Variants in PRKN observed in about 807,000 individuals in gnomAD.
PRKN encodes the protein E3 ubiquitin-protein ligase parkin.
Under a neutral mutation model 59.5 loss-of-function variants are expected in PRKN, and 56 were observed. The observed-to-expected ratio is 0.94, with a 90% CI of 0.76 to 1.18. The LOEUF is 1.18. Ranked by LOEUF, PRKN falls within the 50% of genes most tolerant of loss-of-function variation. PRKN has a pLI of 0.00. For missense variants in PRKN, 657 were observed against 596.4 expected (o/e 1.10, Z -1.06); for synonymous variants, 250 against 222.1 (o/e 1.13, Z -1.12).
At chr6:162,436,008 T>G (rs139264301) in intron 2 of PRKN, among the ~76,000 whole-genome samples, 12 of 151,776 alleles carry the variant, frequency 7.9e-5, no homozygotes, top group African/African-American at 1.4e-4. Flanking sequence ...AAAAGCAATC[T>G]CTACTAAAAA....
chr6:162,639,959 A>G (rs1777898639), intron 1 of PRKN, among the ~76,000 whole-genome samples: 1 of 152,090 alleles, frequency 6.6e-6, no homozygotes, highest in Admixed American at 6.5e-5. Flanking sequence ...TATAGTCCTC[A>G]TATTTTTTTA....
rs1554275154 is a variant in PRKN, at chr6:161,550,738, C to CTGTGTGTGTGTGTGTGT, written c.934-1736_934-1735insACACACACACACACACA. Among the ~76,000 whole-genome samples, 2 of 146,308 alleles carry CTGTGTGTGTGTGTGTGT rather than the reference C, an allele frequency of 1.4e-5. No individual in the cohort carries two copies. The highest frequency in any genetic ancestry group is 5.2e-5 in the African/African-American group (2 of 38,750). On this transcript the variant is annotated intron_variant, in intron 8 of 11. Coordinates refer to ENST00000366898, the MANE Select transcript of PRKN (RefSeq NM_004562.3). This position sits in a 1 kb window ranked among gnomAD's most constrained non-coding sequence, Gnocchi z 4.0. ...AAGAAAGGGTATGTGTGTGTGTGCACGTGTGTGTGTGTGTGTGTGTGTGTA... is the reference window on the plus strand; with the variant it reads ...AAGAAAGGGTATGTGTGTGTGTGCACTGTGTGTGTGTGTGTGTGTGTGTGTGTGTGTGTGTGTGTGTA...
At position 161,674,457 on chromosome 6, in the gene PRKN, T is replaced by C. The variant is rs369922930; in HGVS notation, c.872-105041A>G. ...GTTCAAGGATTTACTCCAATAATGA[T>C]TATGTTTCCTTTATTTTAAAATGCA... On this transcript the variant is annotated intron_variant, in intron 7 of 11. Coordinates refer to ENST00000366898, the MANE Select transcript of PRKN (RefSeq NM_004562.3). Among the ~76,000 whole-genome samples the C allele has an allele frequency of 1.8e-4, 28 of 152,328 alleles. 1 individual carries two copies. Among genetic ancestry groups the C allele is most frequent in the African/African-American group, 6.7e-4 (28 of 41,564 alleles).
chr6:161,982,358 C>T (rs202149273), intron 5 of PRKN, among the ~76,000 whole-genome samples: 11,894 of 125,668 alleles, frequency 0.095, 942 homozygotes, highest in Middle Eastern at 0.17. Flanking sequence ...CAATGCCATC[C>T]CCATCAAGCT....
intron 10 of PRKN, among the ~76,000 whole-genome samples, chr6:161,380,425 T>G (rs1179926058): frequency 6.9e-6 from 1 of 144,672 alleles, no homozygotes; most frequent in African/African-American, 2.5e-5. Flanking sequence ...TCCAAGTCTA[T>G]CTTTTTTTTT....
intron 5 of PRKN, among the ~76,000 whole-genome samples, chr6:161,987,451 C>CAGCAAAATCTGCAGAT (rs1781477244): frequency 6.6e-6 from 1 of 152,160 alleles, no homozygotes; most frequent in Non-Finnish European, 1.5e-5. Context: ...CCCCTGCAGA[C>CAGCAAAATCTGCAGAT]AGCAAAATCT....
At chr6:161,653,366 A>AAAAACAACAAC (rs1258197287) in intron 7 of PRKN, among the ~76,000 whole-genome samples, 1 of 149,194 alleles carries the variant, frequency 6.7e-6, no homozygotes, top group African/African-American at 2.6e-5. Context: ...GAATCTTCTC[A>AAAAACAACAAC]AAAACAACAA....
chr6:162,281,249 C>G (rs1216001897), intron 2 of PRKN, among the ~76,000 whole-genome samples: 1 of 151,484 alleles, frequency 6.6e-6, no homozygotes, highest in Non-Finnish European at 1.5e-5. Context: ...GGGAACATCA[C>G]AGACTGGGGC....
rs151087245 is a variant in PRKN, at chr6:162,453,287, G to A, written c.8-9814C>T. ...AAGGAAACAGCTTTGGTTCTTTGACGAGGGTGTATCTCCAGTAGAATTCCC... is the reference window on the plus strand; with the variant it reads ...AAGGAAACAGCTTTGGTTCTTTGACAAGGGTGTATCTCCAGTAGAATTCCC... On this transcript the variant is annotated intron_variant, in intron 1 of 11. Transcript: ENST00000366898. Among the ~76,000 whole-genome samples the A allele has an allele frequency of 1.6e-3, 245 of 152,296 alleles. 1 individual carries two copies. The highest frequency in any genetic ancestry group is 5.7e-3 in the African/African-American group (237 of 41,552).
chr6:162,179,272 G>C (rs138319330), intron 4 of PRKN, among the ~76,000 whole-genome samples: 5 of 152,176 alleles, frequency 3.3e-5, no homozygotes, highest in African/African-American at 1.2e-4. Context: ...TCTGCTGGCC[G>C]AATTTCTTAG....
intron 3 of PRKN, among the ~76,000 whole-genome samples, chr6:162,261,482 G>A (rs1177293095): frequency 1.3e-5 from 2 of 152,144 alleles, no homozygotes; most frequent in Non-Finnish European, 2.9e-5. Flanking sequence ...TACTCTGGTT[G>A]AAACGTCAGA....
intron 1 of PRKN, among the ~76,000 whole-genome samples, chr6:162,720,537 G>A (rs2849548): frequency 0.83 from 122,700 of 148,682 alleles, 50,769 homozygotes; most frequent in East Asian, 0.98. Flanking sequence ...TGCAAGCTCC[G>A]CTTCCCGGGT....
intron 7 of PRKN, among the ~76,000 whole-genome samples, chr6:161,687,600 G>A (rs1401838265): frequency 6.7e-6 from 1 of 149,070 alleles, no homozygotes; most frequent in Non-Finnish European, 1.5e-5. Flanking sequence ...GGGACTGCAG[G>A]CGCGAACCAC....
intron 9 of PRKN, among the ~76,000 whole-genome samples, chr6:161,513,693 G>A (rs188552319): frequency 2.6e-4 from 39 of 152,086 alleles, no homozygotes; most frequent in Non-Finnish European, 5.3e-4. Context: ...CATGCTGTAC[G>A]GGCCTTGCTG....
At position 161,502,062 on chromosome 6, in the gene PRKN, T is replaced by C. The variant is rs943707996; in HGVS notation, c.1083+46792A>G. On this transcript the variant is annotated intron_variant, in intron 9 of 11. Coordinates refer to ENST00000366898, the MANE Select transcript of PRKN (RefSeq NM_004562.3). The surrounding 1 kb of genome is among the most constrained non-coding windows in gnomAD (Gnocchi z 4.0). ...GGAATACCTGGATCACTGAATCATC[T>C]GGGCATAAAAGCTTTTTTATGAGTT... Among the ~76,000 whole-genome samples the C allele has an allele frequency of 1.3e-5, 2 of 152,322 alleles. No individual in the cohort carries two copies. The highest frequency in any genetic ancestry group is 4.8e-5 in the African/African-American group (2 of 41,574).
chr6:161,445,591 G>C lies in PRKN; in HGVS notation c.1084-58714C>G, dbSNP rs1789445861. Among the ~76,000 whole-genome samples the C allele has an allele frequency of 6.6e-6, 1 of 152,216 alleles. No homozygotes were observed. Among genetic ancestry groups the C allele is most frequent in the Non-Finnish European group, 1.5e-5 (1 of 68,040 alleles). On this transcript the variant is annotated intron_variant, in intron 9 of 11. Coordinates refer to ENST00000366898, the MANE Select transcript of PRKN (RefSeq NM_004562.3). This position sits in a 1 kb window ranked among gnomAD's most constrained non-coding sequence, Gnocchi z 7.7. ...CCCAGCGTCTGACAGGGCAGCAGGA[G>C]AAAGAGGCCACCTGTATCATCCACC...
intron 1 of PRKN, among the ~76,000 whole-genome samples, chr6:162,612,063 G>C (rs1327927924): frequency 1.1e-4 from 17 of 151,088 alleles, no homozygotes; most frequent in South Asian, 4.2e-4. Flanking sequence ...CGTGGTGGCG[G>C]GCGCCTGTAG....
intron 10 of PRKN, among the ~76,000 whole-genome samples, chr6:161,380,427 T>TC (rs1785919215): frequency 1.1e-5 from 1 of 93,042 alleles, no homozygotes. Context: ...CAAGTCTATC[T>TC]TTTTTTTTTT....
chr6:162,043,207 C>G (rs868278144), intron 5 of PRKN, among the ~76,000 whole-genome samples: 2 of 152,116 alleles, frequency 1.3e-5, no homozygotes, highest in South Asian at 4.2e-4. Context: ...CTTCTGGGTC[C>G]CTCCAGCAAC....
Sources: gnomAD v4.1 joint callset for allele counts (sites outside exome capture counted in the v4.1 genomes callset) on GRCh38, gnomAD v4.1.1 for gene constraint, Gnocchi (gnomAD v3.1) non-coding constraint, MANE v1.5 for transcripts, NCBI Gene and HGNC (gene_info 2026-07-23, HGNC 2026-07-21) for gene names.